The following ANKRD18A variants were observed in gnomAD, a reference collection of about 807,000 sequenced individuals.
ANKRD18A encodes the protein ankyrin repeat domain-containing protein 18A.
Under a neutral mutation model 110.6 loss-of-function variants are expected in ANKRD18A, and 72 were observed. That is an observed-to-expected ratio of 0.65 (90% confidence interval 0.54 to 0.79). The LOEUF (loss-of-function observed/expected upper bound fraction) is 0.79, where lower values mean the gene tolerates loss of function less well. Ranked by LOEUF, ANKRD18A falls within the 30% of genes least tolerant of loss-of-function variation. The pLI, the probability that ANKRD18A is intolerant of heterozygous loss-of-function variation, is 0.00. For missense variants in ANKRD18A, 934 were observed against 1,163.3 expected, an observed-to-expected ratio of 0.80 and a Z score of 2.87; for synonymous variants, 305 against 410.3, an observed-to-expected ratio of 0.74 and a Z score of 3.10.
chr9:38,589,560 T>C (rs1400161521), intron 10 of ANKRD18A, among the ~76,000 whole-genome samples: 1 of 152,234 alleles, frequency 6.6e-6, no homozygotes, highest in Non-Finnish European at 1.5e-5. Context: ...AAAAGTCAAG[T>C]GCTGTCTTTG....
At chr9:38,602,922 C>A (rs1431039974) in intron 7 of ANKRD18A, among the ~76,000 whole-genome samples, 1 of 152,194 alleles carries the variant, frequency 6.6e-6, no homozygotes, top group Non-Finnish European at 1.5e-5. Flanking sequence ...TCTATCTCAG[C>A]CTCCAACACT....
intron 6 of ANKRD18A, among the ~76,000 whole-genome samples, chr9:38,606,419 G>A (rs1825360990): frequency 6.6e-6 from 1 of 152,148 alleles, no homozygotes; most frequent in South Asian, 2.1e-4. Context: ...TGATAAAGAT[G>A]AAGACTTTTG....
chr9:38,613,066 A>G (rs1340850525), intron 3 of ANKRD18A, among the ~76,000 whole-genome samples: 4 of 152,118 alleles, frequency 2.6e-5, no homozygotes, highest in African/African-American at 9.7e-5. Context: ...GCTGTCTTGA[A>G]AACCTTGAAA....
chr9:38,596,711 A>G (rs3005820), intron 8 of ANKRD18A, among the ~76,000 whole-genome samples: 1 of 152,188 alleles, frequency 6.6e-6, no homozygotes, highest in Non-Finnish European at 1.5e-5. Flanking sequence ...TAAAGTTGTT[A>G]AAAAATTTGA....
chr9:38,609,706 A>G (rs1027379424), intron 5 of ANKRD18A, among the ~76,000 whole-genome samples: 4 of 152,054 alleles, frequency 2.6e-5, no homozygotes, highest in African/African-American at 7.2e-5. Context: ...CTTGTAAAGC[A>G]AGATTGTCTT....
chr9:38,609,064 G>T (rs1181564354), intron 5 of ANKRD18A, among the ~76,000 whole-genome samples: 3 of 152,212 alleles, frequency 2.0e-5, no homozygotes, highest in Non-Finnish European at 4.4e-5. Context: ...CTACAAATAA[G>T]ATTTTTAGTG....
chr9:38,571,358 T>C, downstream of ANKRD18A: 2 of 810,838 alleles, frequency 2.5e-6, no homozygotes, highest in Non-Finnish European at 3.4e-6. Context: ...AATCATGAGC[T>C]TTCCCTTCTC....
intron 11 of ANKRD18A, among the ~76,000 whole-genome samples, chr9:38,587,670 G>A (rs149722852): frequency 0.023 from 3,532 of 150,406 alleles, 83 homozygotes; most frequent in African/African-American, 0.057. Flanking sequence ...ATGCAGCAGA[G>A]AAGAATATTA....
intron 14 of ANKRD18A, among the ~76,000 whole-genome samples, chr9:38,576,264 G>A (rs1823889694): frequency 6.6e-6 from 1 of 152,276 alleles, no homozygotes; most frequent in Non-Finnish European, 1.5e-5. Context: ...GAACACTTAA[G>A]TATTTGGCAC....
At chr9:38,612,978 A>G (rs1379087505) in intron 3 of ANKRD18A, among the ~76,000 whole-genome samples, 1 of 151,860 alleles carries the variant, frequency 6.6e-6, no homozygotes, top group Non-Finnish European at 1.5e-5. Flanking sequence ...AGTTAAAAAA[A>G]CTTCTGAATT....
At chr9:38,600,168 A>G (rs1016411457) in intron 8 of ANKRD18A, among the ~76,000 whole-genome samples, 4 of 152,188 alleles carry the variant, frequency 2.6e-5, no homozygotes, top group African/African-American at 9.6e-5. Flanking sequence ...CTTAACTCTC[A>G]CTGTTTGTTT....
At chr9:38,584,447 G>A (rs1434731306) in intron 12 of ANKRD18A, among the ~76,000 whole-genome samples, 1 of 152,116 alleles carries the variant, frequency 6.6e-6, no homozygotes, top group Non-Finnish European at 1.5e-5. Context: ...TTGTTTTTAG[G>A]GTGATGAAAG....
rs530050941 is a variant in ANKRD18A at position 38,587,951 on chromosome 9, G to T, written c.2117+600C>A. 2.0e-4 allele frequency among the ~76,000 whole-genome samples: 30 copies of T among 152,210 alleles called. 1 individual carries two copies. The highest frequency in any genetic ancestry group is 7.0e-4 in the African/African-American group (29 of 41,530). ...AAAAATACAAAAATTAGCCAGGCAG[G>T]GTGGTGCACACCTGTAATCATAGCT... On this transcript the variant is annotated intron_variant, in intron 11 of 15. Transcript: ENST00000399703.
chr9:38,610,265 G>A lies in ANKRD18A; in HGVS notation c.740+8C>T, dbSNP rs1825549990. ...AGTATTAACCGGTCTTTTAATATAA[G>A]CACATACCTTCTCAAATCAGAACAA... On this transcript the variant is annotated splice_region_variant and intron_variant, in intron 5 of 15. Transcript: ENST00000399703. 2.0e-6 allele frequency: 3 copies of A among 1,529,628 alleles called. No individual in the cohort carries two copies. Among genetic ancestry groups the A allele is most frequent in the East Asian group, 4.9e-5 (2 of 40,734 alleles). The allele number at this position is 1,529,628 out of a possible 1,614,324, so 94.8% of individuals were successfully genotyped here. A position where few individuals can be genotyped will look rare whatever the true frequency, so the allele number is the denominator to read the frequency against.
At chr9:38,582,127 G>C (rs1824190769) in intron 12 of ANKRD18A, among the ~76,000 whole-genome samples, 1 of 151,764 alleles carries the variant, frequency 6.6e-6, no homozygotes. Context: ...CTCCTTCCTG[G>C]ATGGTAAACA....
chr9:38,576,821 C>A (rs564350883), intron 14 of ANKRD18A, among the ~76,000 whole-genome samples: 1 of 152,174 alleles, frequency 6.6e-6, no homozygotes, highest in East Asian at 1.9e-4. Flanking sequence ...CTACATGAGA[C>A]TTTTCAGGGG....
chr9:38,593,078 A>G (rs969740494), intron 10 of ANKRD18A, among the ~76,000 whole-genome samples: 33 of 152,290 alleles, frequency 2.2e-4, no homozygotes, highest in Non-Finnish European at 3.8e-4. Flanking sequence ...TAAATGGTTG[A>G]ACTGTCTGAC....
intron 11 of ANKRD18A, among the ~76,000 whole-genome samples, chr9:38,586,867 C>T (rs1824408794): frequency 6.6e-6 from 1 of 152,002 alleles, no homozygotes; most frequent in African/African-American, 2.4e-5. Context: ...CCTGGCCTAA[C>T]CATACAGTTT....
chr9:38,611,372 A>G lies in ANKRD18A; in HGVS notation c.496-51T>C. The stretch of plus-strand genomic sequence containing the variant: ...AATTCACAAAATTACATATTTCTCC[A>G]CTGAACTAAAAATCTTCTATAAGAT... On this transcript the variant is annotated intron_variant, in intron 3 of 15. Coordinates refer to ENST00000399703, the MANE Select transcript of ANKRD18A (RefSeq NM_147195.4). 2.0e-6 allele frequency: 3 copies of G among 1,498,806 alleles called. No individual in the cohort carries two copies. The South Asian group carries it at 4.0e-5, about 20-fold the overall frequency. The allele number at this position is 1,498,806 out of a possible 1,614,324, so 92.8% of individuals were successfully genotyped here. A position where few individuals can be genotyped will look rare whatever the true frequency, so the allele number is the denominator to read the frequency against.
Sources: allele counts gnomAD v4.1 joint callset (sites outside exome capture counted in the v4.1 genomes callset), GRCh38; gene constraint gnomAD v4.1.1; transcripts MANE v1.5; gene names NCBI Gene and HGNC (gene_info 2026-07-23, HGNC 2026-07-21).